Variants in STK32A observed in about 807,000 individuals in gnomAD.
STK32A encodes serine/threonine-protein kinase 32A.
In STK32A, 41 loss-of-function variants were observed where a neutral mutation model predicts 53.2. That is an observed-to-expected ratio of 0.77 (90% confidence interval 0.60 to 1.00). STK32A has a LOEUF of 1.00. Among genes scored for constraint, STK32A ranks in the 50% least tolerant of loss-of-function variants. STK32A has a pLI of 0.00. For missense variants in STK32A, 458 were observed against 485.8 expected (o/e 0.94, Z 0.54); for synonymous variants, 166 against 162.8 (o/e 1.02, Z -0.15).
chr5:147,368,846 G>C (rs1756885378), intron 8 of STK32A, among the ~76,000 whole-genome samples: 1 of 152,008 alleles, frequency 6.6e-6, no homozygotes. Flanking sequence ...TAATTCATTT[G>C]TTTATAAAAT....
At chr5:147,241,512 C>T (rs369685021) in intron 2 of STK32A, among the ~76,000 whole-genome samples, 1 of 140,390 alleles carries the variant, frequency 7.1e-6, no homozygotes, top group Non-Finnish European at 1.6e-5. Flanking sequence ...ACAAAAAAAC[C>T]CAAAATATAT....
chr5:147,388,003 T>C (rs1757717415), downstream of STK32A, among the ~76,000 whole-genome samples: 1 of 152,206 alleles, frequency 6.6e-6, no homozygotes, highest in South Asian at 2.1e-4. Context: ...AATAATATTC[T>C]GTGACAGAGA....
At chr5:147,254,772 G>A (rs1471958125) in intron 2 of STK32A, among the ~76,000 whole-genome samples, 1 of 152,194 alleles carries the variant, frequency 6.6e-6, no homozygotes, top group Non-Finnish European at 1.5e-5. Flanking sequence ...GACTGAGTTA[G>A]GGTGGAGCAG....
intron 2 of STK32A, among the ~76,000 whole-genome samples, chr5:147,266,493 A>G (rs556883354): frequency 6.6e-6 from 1 of 152,176 alleles, no homozygotes; most frequent in Admixed American, 6.5e-5. Flanking sequence ...AAATAGAAAA[A>G]TTTTCCCCAA....
rs891800929 is a variant in STK32A, at chr5:147,235,173, G to A, written c.-123G>A. ...GAAAGCATCGCTCCGAGCCTCATGGGAGGAATGAAGGAAGAATCGAGACTA... is the reference window on the plus strand; with the variant it reads ...GAAAGCATCGCTCCGAGCCTCATGGAAGGAATGAAGGAAGAATCGAGACTA... On this transcript the variant is annotated 5_prime_UTR_variant, in exon 1 of 13. Coordinates refer to ENST00000397936, the MANE Select transcript of STK32A (RefSeq NM_001112724.2). 1.3e-5 allele frequency: 2 copies of A among 152,426 alleles called. No individual in the cohort carries two copies. The highest frequency in any genetic ancestry group is 4.1e-4 in the South Asian group (2 of 4,836). The allele number at this position is 152,426 out of a possible 1,614,324, so 9.4% of individuals were successfully genotyped here. A position where few individuals can be genotyped will look rare whatever the true frequency, so the allele number is the denominator to read the frequency against.
chr5:147,314,604 A>T (rs2151973237), intron 4 of STK32A, among the ~76,000 whole-genome samples: 1 of 151,938 alleles, frequency 6.6e-6, no homozygotes, highest in African/African-American at 2.4e-5. Flanking sequence ...TGGATAAAGA[A>T]TCTGAGTAGT....
intron 4 of STK32A, among the ~76,000 whole-genome samples, chr5:147,320,394 A>T (rs951825976): frequency 6.6e-6 from 1 of 152,200 alleles, no homozygotes; most frequent in Non-Finnish European, 1.5e-5. Flanking sequence ...GAGCATTTAC[A>T]TAAGACCCAC....
intron 2 of STK32A, among the ~76,000 whole-genome samples, chr5:147,251,877 A>G (rs1754015277): frequency 6.6e-6 from 1 of 152,190 alleles, no homozygotes; most frequent in Non-Finnish European, 1.5e-5. Context: ...TTTAAGGACA[A>G]CAATTCCAAT....
chr5:147,259,881 GTCTCTCTCTT>G (rs1754427315), intron 2 of STK32A, among the ~76,000 whole-genome samples: 1 of 120,904 alleles, frequency 8.3e-6, no homozygotes, highest in African/African-American at 3.9e-5. Flanking sequence ...TCTCTCTCCT[GTCTCTCTCTT>G]TCTCTCTCCT....
chr5:147,372,517 G>A (rs1192511025), intron 9 of STK32A, among the ~76,000 whole-genome samples: 1 of 151,944 alleles, frequency 6.6e-6, no homozygotes, highest in Non-Finnish European at 1.5e-5. Flanking sequence ...ATTACACCCT[G>A]AGGTTGCATG....
the STK32A span, chr5:147,394,190 A>C: frequency 6.6e-7 from 1 of 1,522,602 alleles, no homozygotes; most frequent in Non-Finnish European, 9.1e-7. Context: ...GATGTGGGCA[A>C]GAGAGAAACT....
At chr5:147,355,999 A>G (rs1202708180) in intron 7 of STK32A, among the ~76,000 whole-genome samples, 1 of 152,194 alleles carries the variant, frequency 6.6e-6, no homozygotes, top group East Asian at 1.9e-4. Flanking sequence ...TGATAGCATC[A>G]TATAGTGAAC....
At chr5:147,337,507 T>A (rs930797447) in intron 5 of STK32A, among the ~76,000 whole-genome samples, 22 of 152,202 alleles carry the variant, frequency 1.4e-4, no homozygotes, top group South Asian at 2.1e-4. Context: ...TTTTCTCTTC[T>A]CTTCTTAGGG....
intron 2 of STK32A, among the ~76,000 whole-genome samples, chr5:147,254,788 C>T (rs1754152166): frequency 6.6e-6 from 1 of 152,064 alleles, no homozygotes; most frequent in Non-Finnish European, 1.5e-5. Flanking sequence ...AGCAGGTGAT[C>T]TGAATGAGTC....
In STK32A at chr5:147,307,039, T is replaced by C. The variant is rs542704305; in HGVS notation, c.261-16859T>C. Among the ~76,000 whole-genome samples the C allele has an allele frequency of 4.3e-4, 65 of 152,236 alleles. 1 individual carries two copies. The highest frequency in any genetic ancestry group is 1.5e-3 in the African/African-American group (61 of 41,556). On this transcript the variant is annotated intron_variant, in intron 4 of 12. Coordinates refer to ENST00000397936, the MANE Select transcript of STK32A (RefSeq NM_001112724.2). ...AGAGTTACTAACACTAAATGAGACA[T>C]TGAATAACCTATCTTTTGTTTTTAT... is the stretch of plus-strand genomic sequence containing the variant.
At chr5:147,294,470 C>T (rs1197823482) in intron 4 of STK32A, among the ~76,000 whole-genome samples, 1 of 151,950 alleles carries the variant, frequency 6.6e-6, no homozygotes, top group Non-Finnish European at 1.5e-5. Context: ...CCATATTGGC[C>T]AGGCTGGTAT....
chr5:147,397,841 G>A, the STK32A span: 1 of 1,602,156 alleles, frequency 6.2e-7, no homozygotes, highest in Non-Finnish European at 8.5e-7. Flanking sequence ...GTTGTACTCT[G>A]CCGCCTAGAG....
At chr5:147,289,031 T>C (rs1261039905) in intron 4 of STK32A, among the ~76,000 whole-genome samples, 1 of 152,310 alleles carries the variant, frequency 6.6e-6, no homozygotes, top group East Asian at 1.9e-4. Context: ...CCATCTCCTA[T>C]GGTTCATTGT....
intron 5 of STK32A, among the ~76,000 whole-genome samples, chr5:147,332,910 C>G (rs1042910973): frequency 6.6e-6 from 1 of 152,172 alleles, no homozygotes; most frequent in Non-Finnish European, 1.5e-5. Flanking sequence ...CACAAAGCCA[C>G]CCATTTGTGA....
Sources: allele counts gnomAD v4.1 joint callset (sites outside exome capture counted in the v4.1 genomes callset), GRCh38; gene constraint gnomAD v4.1.1; transcripts MANE v1.5; gene names NCBI Gene and HGNC (gene_info 2026-07-23, HGNC 2026-07-21).